Variants in DGKI observed in about 807,000 individuals in gnomAD.
DGKI encodes DAG kinase iota.
DGKI carries 55 observed loss-of-function variants against 147.5 expected under a neutral mutation model. The ratio of observed to expected loss-of-function variants is 0.37; its 90% CI spans 0.30 to 0.47. DGKI has a LOEUF of 0.47. Ranked by LOEUF, DGKI falls within the 20% of genes least tolerant of loss-of-function variation. The pLI, the probability that DGKI is intolerant of heterozygous loss-of-function variation, is 1.00. For missense variants in DGKI, 1,007 were observed against 1,323.8 expected (o/e 0.76, Z 3.71); for synonymous variants, 469 against 477.1 (o/e 0.98, Z 0.22).
intron 17 of DGKI, among the ~76,000 whole-genome samples, chr7:137,574,415 C>T (rs1018782174): frequency 1.4e-4 from 21 of 152,068 alleles, no homozygotes; most frequent in Non-Finnish European, 1.8e-4. Flanking sequence ...ATGTTATAAG[C>T]AACTAAAACT....
intron 30 of DGKI, among the ~76,000 whole-genome samples, chr7:137,398,524 C>T (rs543342200): frequency 3.3e-5 from 5 of 152,186 alleles, no homozygotes; most frequent in Middle Eastern, 3.4e-3. Context: ...TTTAGAAAGA[C>T]GATCCTGGGA....
At chr7:137,658,083 G>T (rs1438819801) in intron 3 of DGKI, among the ~76,000 whole-genome samples, 2 of 152,094 alleles carry the variant, frequency 1.3e-5, no homozygotes, top group African/African-American at 4.8e-5. Context: ...TTTGACAATT[G>T]CTTTTGCACA....
At chr7:137,421,811 TAATA>T (rs1812582267) in intron 28 of DGKI, among the ~76,000 whole-genome samples, 1 of 152,240 alleles carries the variant, frequency 6.6e-6, no homozygotes. Context: ...ATGAAGTGCT[TAATA>T]AATAGTTGGT....
chr7:137,638,792 G>GTATGTATATA (rs1417091750), intron 6 of DGKI, among the ~76,000 whole-genome samples: 1 of 150,110 alleles, frequency 6.7e-6, no homozygotes, highest in Non-Finnish European at 1.5e-5. Flanking sequence ...TTATTATGTT[G>GTATGTATATA]TATGTATATA....
chr7:137,691,738 T>C (rs746461316), intron 1 of DGKI, among the ~76,000 whole-genome samples: 16 of 149,920 alleles, frequency 1.1e-4, no homozygotes, highest in Non-Finnish European at 1.9e-4. Flanking sequence ...TCCAGGATTG[T>C]GCAACCATTA....
rs796543873 is a variant in DGKI, at chr7:137,543,610, G to T, written c.2147+8759C>A. Among the ~76,000 whole-genome samples, 5 of 152,152 alleles carry T rather than the reference G, an allele frequency of 3.3e-5. No individual in the cohort carries two copies. The South Asian group carries it at 6.2e-4, about 19-fold the overall frequency. On this transcript the variant is annotated intron_variant, in intron 20 of 32. Coordinates refer to ENST00000614521, the MANE Select transcript of DGKI (RefSeq NM_001321708.2). ...AATTGCTTCAAGAGCAGCATAAAGA[G>T]AGGGTTCACCCAAAGAAAAGACCAT...
At chr7:137,486,015 G>A (rs1167293973) in intron 22 of DGKI, among the ~76,000 whole-genome samples, 2 of 152,104 alleles carry the variant, frequency 1.3e-5, no homozygotes, top group African/African-American at 4.8e-5. Flanking sequence ...CTTTCATAAA[G>A]TTTTATAACG....
At chr7:137,607,649 C>T (rs1820227148) in intron 10 of DGKI, among the ~76,000 whole-genome samples, 1 of 152,156 alleles carries the variant, frequency 6.6e-6, no homozygotes, top group East Asian at 1.9e-4. Flanking sequence ...AATCATGGAA[C>T]TAATTACATT....
intron 1 of DGKI, among the ~76,000 whole-genome samples, chr7:137,690,455 C>T (rs943904215): frequency 5.3e-5 from 8 of 152,174 alleles, no homozygotes; most frequent in African/African-American, 1.9e-4. Flanking sequence ...CTGGTTACAG[C>T]TGAAAGTTCA....
intron 27 of DGKI, among the ~76,000 whole-genome samples, chr7:137,448,455 T>C (rs936118186): frequency 1.3e-5 from 2 of 148,680 alleles, no homozygotes; most frequent in Non-Finnish European, 3.0e-5. Context: ...ATAAAAATGA[T>C]TAATAAATCT....
At chr7:137,689,789 T>C (rs1823541651) in intron 2 of DGKI, 105 bp downstream of exon 2, 3 of 748,520 alleles carry the variant, frequency 4.0e-6, no homozygotes, top group Admixed American at 7.4e-5. Flanking sequence ...GCAGGCAATG[T>C]TGAAAATTAT....
intron 21 of DGKI, among the ~76,000 whole-genome samples, chr7:137,517,283 G>GAAAAGAA (rs1454817088): frequency 5.6e-5 from 3 of 53,508 alleles, no homozygotes; most frequent in Admixed American, 2.0e-4. Context: ...AAAAGAAAAA[G>GAAAAGAA]AAAGAAAGAA....
rs1478617957 is a variant in DGKI at position 137,809,595 on chromosome 7, C to T, written c.401+36867G>A. On this transcript the variant is annotated intron_variant, in intron 1 of 32. Transcript: ENST00000614521. The stretch of plus-strand genomic sequence containing the variant: ...TAGAGAAAGGGAAATTCTCCAGGGC[C>T]AGAGAAGTTTTAGTTTAGTTAAAAC... Among the ~76,000 whole-genome samples the T allele has an allele frequency of 2.6e-5, 4 of 152,210 alleles. No individual in the cohort carries two copies. In the East Asian group the frequency reaches 7.7e-4, roughly 29 times the overall value.
At chr7:137,532,878 A>G (rs1817388911) in intron 20 of DGKI, among the ~76,000 whole-genome samples, 1 of 152,194 alleles carries the variant, frequency 6.6e-6, no homozygotes, top group Non-Finnish European at 1.5e-5. Context: ...CATTTCTAGA[A>G]CAGAACTTAA....
chr7:137,575,191 A>T (rs1250157431), intron 17 of DGKI, among the ~76,000 whole-genome samples: 1 of 152,232 alleles, frequency 6.6e-6, no homozygotes, highest in Non-Finnish European at 1.5e-5. Context: ...AGACCTAACT[A>T]AATCCCAAAT....
At position 137,638,005 on chromosome 7, in the gene DGKI, G is replaced by A. The variant is rs375932909; in HGVS notation, c.804+7467C>T. On this transcript the variant is annotated intron_variant, in intron 6 of 32. Coordinates refer to ENST00000614521, the MANE Select transcript of DGKI (RefSeq NM_001321708.2). ...ATTTGGAAAGGGAGGTCAGCGCAAA[G>A]AATCACAAAAGTGTTCTCAGGCAGG... Among the ~76,000 whole-genome samples the A allele has an allele frequency of 2.5e-4, 38 of 152,232 alleles. 1 individual carries two copies. In the South Asian group the frequency reaches 6.4e-3, roughly 26 times the overall value.
rs775814446 is a variant in DGKI, at chr7:137,846,134, TTCTCTCTCTC to T, written c.401+318_401+327del. On this transcript the variant is annotated intron_variant, in intron 1 of 32. Transcript: ENST00000614521. The surrounding 1 kb of genome is among the most constrained non-coding windows in gnomAD (Gnocchi z 4.0). ...TCTGCAACCCTTTCTCTCTCTCTCTTTCTCTCTCTCTCTCTCTCTCTCTCTCTCACACACA... is the reference window on the plus strand; with the variant it reads ...TCTGCAACCCTTTCTCTCTCTCTCTTTCTCTCTCTCTCTCTCTCACACACA... Among the ~76,000 whole-genome samples, 4 of 85,330 alleles carry T rather than the reference TTCTCTCTCTC, an allele frequency of 4.7e-5. No homozygotes were observed. Among genetic ancestry groups the T allele is most frequent in the African/African-American group, 1.0e-4 (2 of 19,746 alleles). The allele number at this position is 85,330 out of a possible 152,430, so 56.0% of individuals were successfully genotyped here. A position where few individuals can be genotyped will look rare whatever the true frequency, so the allele number is the denominator to read the frequency against.
At chr7:137,443,368 A>T (rs1813587978) in intron 28 of DGKI, among the ~76,000 whole-genome samples, 1 of 152,202 alleles carries the variant, frequency 6.6e-6, no homozygotes, top group Non-Finnish European at 1.5e-5. Context: ...ATTATGAGAG[A>T]ATTTCCAAAG....
chr7:137,803,141 T>C (rs1797265133), intron 1 of DGKI, among the ~76,000 whole-genome samples: 1 of 152,134 alleles, frequency 6.6e-6, no homozygotes, highest in African/African-American at 2.4e-5. Context: ...ATTAAAGGTT[T>C]CTACATTTGG....
Sources: gnomAD v4.1 joint callset for allele counts (sites outside exome capture counted in the v4.1 genomes callset) on GRCh38, gnomAD v4.1.1 for gene constraint, Gnocchi (gnomAD v3.1) non-coding constraint, MANE v1.5 for transcripts, NCBI Gene and HGNC (gene_info 2026-07-23, HGNC 2026-07-21) for gene names.